Variants in PEX7 observed in about 807,000 individuals in gnomAD.
PEX7 encodes PTS2 receptor.
Under a neutral mutation model 47.5 loss-of-function variants are expected in PEX7, and 34 were observed. That is an observed-to-expected ratio of 0.72 (90% CI 0.54 to 0.95). PEX7 has a LOEUF of 0.95. Ranked by LOEUF, PEX7 falls within the 40% of genes least tolerant of loss-of-function variation. The pLI is 0.00. For missense variants in PEX7, 394 were observed against 400.3 expected (o/e 0.98, Z 0.13); for synonymous variants, 141 against 148.8 (o/e 0.95, Z 0.38).
chr6:136,879,197 G>A (rs1411447649), intron 8 of PEX7, among the ~76,000 whole-genome samples: 1 of 151,942 alleles, frequency 6.6e-6, no homozygotes, highest in Non-Finnish European at 1.5e-5. Context: ...TTAGTCTTAA[G>A]TGTATAATTA....
intron 5 of PEX7, among the ~76,000 whole-genome samples, chr6:136,866,169 G>A (rs895697250): frequency 3.3e-5 from 5 of 151,614 alleles, no homozygotes; most frequent in Admixed American, 6.6e-5. Flanking sequence ...TAGCTGGCCC[G>A]TTAAAATATA....
At chr6:136,850,917 G>GTTTTTTT (rs35220728) in intron 5 of PEX7, among the ~76,000 whole-genome samples, 1 of 69,166 alleles carries the variant, frequency 1.4e-5, no homozygotes, top group Non-Finnish European at 2.6e-5. Context: ...AAAACTGATG[G>GTTTTTTT]TTTTTTTTTT....
At chr6:136,845,774 A>G in intron 4 of PEX7, 82 bp downstream of exon 4, 1 of 892,744 alleles carries the variant, frequency 1.1e-6, no homozygotes. Flanking sequence ...TTTCCAACAT[A>G]CTTCTGTAGC....
intron 3 of PEX7, among the ~76,000 whole-genome samples, chr6:136,840,358 T>A (rs1244616166): frequency 6.6e-6 from 1 of 152,130 alleles, no homozygotes; most frequent in Non-Finnish European, 1.5e-5. Context: ...TAGCCTGAAT[T>A]TTCTATTTAT....
chr6:136,898,011 G>A, intron 8 of PEX7, 131 bp from the exon 9 acceptor site: 2 of 652,194 alleles, frequency 3.1e-6, no homozygotes, highest in Non-Finnish European at 5.5e-6. Flanking sequence ...TTAATAGTGG[G>A]GTTCTGTATT....
At chr6:136,880,964 A>C (rs1010475123) in intron 8 of PEX7, among the ~76,000 whole-genome samples, 10 of 152,334 alleles carry the variant, frequency 6.6e-5, no homozygotes, top group Non-Finnish European at 2.9e-5. Flanking sequence ...TAAAATAATA[A>C]GTAGTGATTA....
chr6:136,862,181 C>T (rs1274850104), intron 5 of PEX7, among the ~76,000 whole-genome samples: 1 of 150,706 alleles, frequency 6.6e-6, no homozygotes, highest in East Asian at 1.9e-4. Context: ...ATTCTTATGC[C>T]CCAGCGTCTT....
chr6:136,879,954 C>T (rs1286456138), intron 8 of PEX7, among the ~76,000 whole-genome samples: 1 of 151,922 alleles, frequency 6.6e-6, no homozygotes, highest in Non-Finnish European at 1.5e-5. Flanking sequence ...TCTTGTGTTT[C>T]TTCAGTTCAG....
At chr6:136,904,319 C>T (rs922362111) in intron 9 of PEX7, among the ~76,000 whole-genome samples, 1 of 152,122 alleles carries the variant, frequency 6.6e-6, no homozygotes, top group Non-Finnish European at 1.5e-5. Context: ...ATAACAAGTC[C>T]TTGTTGTTTT....
intron 3 of PEX7, among the ~76,000 whole-genome samples, chr6:136,839,488 G>A (rs1233701392): frequency 6.6e-6 from 1 of 152,124 alleles, no homozygotes; most frequent in East Asian, 1.9e-4. Flanking sequence ...AACATTGTGC[G>A]GTGGGTTTTT....
chr6:136,835,681 G>A (rs1315521898), intron 3 of PEX7, among the ~76,000 whole-genome samples: 1 of 152,120 alleles, frequency 6.6e-6, no homozygotes, highest in Non-Finnish European at 1.5e-5. Context: ...ATTTCAATGT[G>A]CAGCATTGTT....
intron 5 of PEX7, among the ~76,000 whole-genome samples, chr6:136,853,012 C>G (rs1274535264): frequency 6.8e-6 from 1 of 147,032 alleles, no homozygotes; most frequent in African/African-American, 2.5e-5. Context: ...TGCCACATAT[C>G]TACAACTATC....
At chr6:136,882,928 G>T (rs76892001) in intron 8 of PEX7, among the ~76,000 whole-genome samples, 1 of 152,058 alleles carries the variant, frequency 6.6e-6, no homozygotes, top group South Asian at 2.1e-4. Context: ...CTGTCCCAGC[G>T]TACTCTGTGT....
chr6:136,875,093 C>T (rs568078549), intron 8 of PEX7, among the ~76,000 whole-genome samples: 6 of 151,886 alleles, frequency 4.0e-5, no homozygotes, highest in Admixed American at 2.6e-4. Flanking sequence ...GAGCCGAGAT[C>T]GTGCCATTGC....
intron 9 of PEX7, among the ~76,000 whole-genome samples, chr6:136,903,336 C>CTTTTTTTTTTTT (rs552573661): frequency 7.9e-6 from 1 of 126,318 alleles, no homozygotes; most frequent in Non-Finnish European, 1.6e-5. Flanking sequence ...CTTTCTTTCT[C>CTTTTTTTTTTTT]TTTTTTTTTT....
intron 3 of PEX7, among the ~76,000 whole-genome samples, chr6:136,842,726 AG>A (rs1449733213): frequency 1.3e-5 from 2 of 152,254 alleles, no homozygotes. Flanking sequence ...TTTGCTCATT[AG>A]GAGTCTCCAA....
At chr6:136,912,192 T>C (rs1342643370) in intron 9 of PEX7, among the ~76,000 whole-genome samples, 1 of 152,218 alleles carries the variant, frequency 6.6e-6, no homozygotes, top group Non-Finnish European at 1.5e-5. Context: ...GTCTTGCCTG[T>C]TCATTTTCTT....
chr6:136,861,771 C>T (rs1774967496), intron 5 of PEX7, among the ~76,000 whole-genome samples: 1 of 151,278 alleles, frequency 6.6e-6, no homozygotes, highest in Non-Finnish European at 1.5e-5. Context: ...TTCTGTTTCT[C>T]ATCTGGACTT....
At chr6:136,886,324 G>A (rs1775467576) in intron 8 of PEX7, among the ~76,000 whole-genome samples, 1 of 152,130 alleles carries the variant, frequency 6.6e-6, no homozygotes, top group African/African-American at 2.4e-5. Flanking sequence ...GTAGACCTTT[G>A]AGTGAGTCAT....
Sources: gnomAD v4.1 joint callset for allele counts (sites outside exome capture counted in the v4.1 genomes callset) on GRCh38, gnomAD v4.1.1 for gene constraint, MANE v1.5 for transcripts, NCBI Gene and HGNC (gene_info 2026-07-23, HGNC 2026-07-21) for gene names.